Variants in CDH9 observed in about 807,000 individuals in gnomAD.
The protein encoded by CDH9 is cadherin-9.
CDH9 carries 28 observed loss-of-function variants against 70.9 expected under a neutral mutation model. That is an observed-to-expected ratio of 0.40 (90% CI 0.29 to 0.54). The LOEUF (loss-of-function observed/expected upper bound fraction) is 0.54, where lower values mean the gene tolerates loss of function less well. Among genes scored for constraint, CDH9 ranks in the 20% least tolerant of loss-of-function variants. The pLI is 0.59. For missense variants in CDH9, 874 were observed against 984.4 expected (o/e 0.89, Z 1.50); for synonymous variants, 409 against 343.1 (o/e 1.19, Z -2.12).
At chr5:26,940,947 G>T (rs1186021448) in intron 2 of CDH9, among the ~76,000 whole-genome samples, 1 of 152,174 alleles carries the variant, frequency 6.6e-6, no homozygotes, top group Non-Finnish European at 1.5e-5. Context: ...AACTTATCCA[G>T]GCTGAAGCCG....
At chr5:27,023,528 G>C (rs1743174081) in intron 1 of CDH9, among the ~76,000 whole-genome samples, 1 of 151,870 alleles carries the variant, frequency 6.6e-6, no homozygotes, top group Admixed American at 6.6e-5. Flanking sequence ...TACTCTAGTA[G>C]GCCTGGATTC....
chr5:26,973,287 A>T (rs1742252359), intron 2 of CDH9, among the ~76,000 whole-genome samples: 1 of 148,826 alleles, frequency 6.7e-6, no homozygotes. Flanking sequence ...GATCTATATT[A>T]TGACTTCAGT....
Position 26,902,521 on chromosome 5 carries a change from C to G in CDH9, c.1208G>C (p.Gly403Ala). 6.2e-7 allele frequency: 1 copy of G among 1,603,336 alleles called. No individual in the cohort carries two copies. The highest frequency in any genetic ancestry group is 8.5e-7 in the Non-Finnish European group (1 of 1,170,660). The change falls in exon 7 of 12, where the codon GGA becomes GCA. Residue 403 changes from glycine (G) to alanine (A), a missense_variant. Coordinates refer to ENST00000231021, the MANE Select transcript of CDH9 (RefSeq NM_016279.4). Reference protein sequence around the residue: ...DEDVKEGSIIGQVTAYDPDAR... With the variant: ...DEDVKEGSIIAQVTAYDPDAR... ...ATCTGGATCGTATGCTGTAACCTGTCCAATGATACTGCCCTCCTTTACATC... is the reference window on the plus strand; with the variant it reads ...ATCTGGATCGTATGCTGTAACCTGTGCAATGATACTGCCCTCCTTTACATC...
chr5:26,983,011 TC>T (rs1442018095), intron 2 of CDH9, among the ~76,000 whole-genome samples: 1 of 152,100 alleles, frequency 6.6e-6, no homozygotes, highest in Non-Finnish European at 1.5e-5. Context: ...AGAGATGATC[TC>T]ATAGTTTTGA....
At chr5:26,894,524 G>A (rs143015938) in intron 7 of CDH9, among the ~76,000 whole-genome samples, 54 of 152,106 alleles carry the variant, frequency 3.6e-4, no homozygotes, top group Middle Eastern at 3.4e-3. Context: ...CTTTGACAGC[G>A]CCAACTTCCA....
chr5:27,003,127 C>A (rs960939609), intron 1 of CDH9, among the ~76,000 whole-genome samples: 1 of 151,864 alleles, frequency 6.6e-6, no homozygotes, highest in Non-Finnish European at 1.5e-5. Flanking sequence ...GCTGAAAAAC[C>A]CAAATTCAAA....
At chr5:27,032,161 G>A (rs1743320500) in intron 1 of CDH9, among the ~76,000 whole-genome samples, 1 of 151,398 alleles carries the variant, frequency 6.6e-6, no homozygotes, top group Non-Finnish European at 1.5e-5. Context: ...TGCTGAAATA[G>A]CCCTATAATA....
At chr5:27,012,880 A>T (rs950524070) in intron 1 of CDH9, among the ~76,000 whole-genome samples, 1 of 151,994 alleles carries the variant, frequency 6.6e-6, no homozygotes, top group Non-Finnish European at 1.5e-5. Flanking sequence ...TCAGCTGGAA[A>T]GCCCATCTGA....
At chr5:26,935,533 G>A (rs185326452) in intron 2 of CDH9, among the ~76,000 whole-genome samples, 12 of 152,198 alleles carry the variant, frequency 7.9e-5, no homozygotes, top group African/African-American at 2.6e-4. Flanking sequence ...TCAGTGAAAT[G>A]CAAATTAAAA....
intron 1 of CDH9, among the ~76,000 whole-genome samples, chr5:27,012,981 A>G (rs147705092): frequency 6.6e-6 from 1 of 152,116 alleles, no homozygotes; most frequent in Non-Finnish European, 1.5e-5. Context: ...ATAGTCATTT[A>G]TTAGTGTTAT....
chr5:26,999,043 G>A (rs1359458089), intron 1 of CDH9, among the ~76,000 whole-genome samples: 1 of 151,938 alleles, frequency 6.6e-6, no homozygotes, highest in Admixed American at 6.6e-5. Context: ...CCAGGAGATC[G>A]AGACCATCCT....
intron 2 of CDH9, among the ~76,000 whole-genome samples, chr5:26,948,541 T>C (rs1741792589): frequency 6.6e-6 from 1 of 152,220 alleles, no homozygotes; most frequent in South Asian, 2.1e-4. Context: ...CTAGTTCTTA[T>C]GTCACCTTTC....
chr5:26,996,604 A>G (rs1249434159), intron 1 of CDH9, among the ~76,000 whole-genome samples: 1 of 151,940 alleles, frequency 6.6e-6, no homozygotes, highest in East Asian at 1.9e-4. Context: ...ATAACTTTTG[A>G]GGGATATATG....
chr5:26,990,551 G>A (rs959348966), intron 1 of CDH9, among the ~76,000 whole-genome samples: 1 of 152,128 alleles, frequency 6.6e-6, no homozygotes, highest in Non-Finnish European at 1.5e-5. Context: ...TTTGACCACA[G>A]CCAATATAAA....
chr5:26,947,088 G>C (rs934205618), intron 2 of CDH9, among the ~76,000 whole-genome samples: 7 of 152,012 alleles, frequency 4.6e-5, no homozygotes, highest in Non-Finnish European at 8.8e-5. Flanking sequence ...TTTTTCACAG[G>C]AGTGTTTGAC....
At position 26,887,550 on chromosome 5, in the gene CDH9, A is replaced by G. The variant is rs556980517; in HGVS notation, c.1513-1467T>C. Among the ~76,000 whole-genome samples, 15 of 151,948 alleles carry G rather than the reference A, an allele frequency of 9.9e-5. No individual in the cohort carries two copies. In the South Asian group the frequency reaches 2.5e-3, roughly 25 times the overall value. ...TCAATAACACACATGAATCAGTAAA[A>G]GACAAGCATACTGATAGATAAGTGA... On this transcript the variant is annotated intron_variant, in intron 9 of 11. Transcript: ENST00000231021.
chr5:26,882,186 CT>C (rs1226584586), intron 11 of CDH9, among the ~76,000 whole-genome samples: 1 of 151,896 alleles, frequency 6.6e-6, no homozygotes, highest in East Asian at 1.9e-4. Flanking sequence ...AACTAAATTC[CT>C]TTACTGGTCT....
rs896317894 is a variant in CDH9, at chr5:26,899,585, A to C, written c.1253+2891T>G. On this transcript the variant is annotated intron_variant, in intron 7 of 11. Coordinates refer to ENST00000231021, the MANE Select transcript of CDH9 (RefSeq NM_016279.4). ...AAACACCACATGTTCTCACTCATAA[A>C]TGGAAGTTGAACAAGGAGAATACAT... is the stretch of plus-strand genomic sequence containing the variant. Among the ~76,000 whole-genome samples the C allele has an allele frequency of 3.3e-5, 5 of 152,020 alleles. No homozygotes were observed. In the East Asian group the frequency reaches 9.7e-4, roughly 30 times the overall value.
chr5:26,910,011 T>A (rs1008824601), intron 3 of CDH9, among the ~76,000 whole-genome samples: 1 of 151,988 alleles, frequency 6.6e-6, no homozygotes, highest in Non-Finnish European at 1.5e-5. Flanking sequence ...TGCCAGTTGG[T>A]CTTACATATA....
Sources: allele counts gnomAD v4.1 joint callset (sites outside exome capture counted in the v4.1 genomes callset), GRCh38; gene constraint gnomAD v4.1.1; transcripts MANE v1.5; gene names NCBI Gene and HGNC (gene_info 2026-07-23, HGNC 2026-07-21).